UBA2: variants seen among roughly 807,000 people sequenced by gnomAD.
The protein encoded by UBA2 is ubiquitin like modifier activating enzyme 2.
UBA2 carries 11 observed loss-of-function variants against 77.2 expected under a neutral mutation model. The observed-to-expected ratio is 0.14, with a 90% CI of 0.09 to 0.24. The LOEUF (loss-of-function observed/expected upper bound fraction) is 0.24, where lower values mean the gene tolerates loss of function less well. UBA2 is among the 10% of genes least tolerant of loss of function. UBA2 has a pLI of 1.00. For synonymous variants in UBA2, 278 were observed against 276.7 expected, an observed-to-expected ratio of 1.00 and a Z score of -0.05; for missense variants, 487 against 781.7, an observed-to-expected ratio of 0.62 and a Z score of 4.50.
At chr19:34,458,732 A>G (rs746553086) in intron 12 of UBA2, 37 bp from the exon 13 acceptor site, 2 of 1,582,488 alleles carry the variant, frequency 1.3e-6, no homozygotes, top group Middle Eastern at 1.8e-4. Context: ...AAATTACAGC[A>G]CGTTTCCGAT....
intron 3 of UBA2, 67 bp downstream of exon 3, chr19:34,431,998 G>A: frequency 8.5e-7 from 1 of 1,182,170 alleles, no homozygotes; most frequent in Non-Finnish European, 1.2e-6. Flanking sequence ...TAAGCTCAAA[G>A]TCATTCAGCT....
intron 2 of UBA2, 40 bp from the exon 3 acceptor site, chr19:34,431,821 C>T (rs1304581270): frequency 6.4e-7 from 1 of 1,566,380 alleles, no homozygotes; most frequent in Non-Finnish European, 8.8e-7. Context: ...CAGATAGGAA[C>T]AGAAATATTG....
intron 12 of UBA2, among the ~76,000 whole-genome samples, chr19:34,456,093 TCCTTTTCTTTTTC>T (rs2075556388): frequency 9.6e-6 from 1 of 103,940 alleles, no homozygotes; most frequent in African/African-American, 3.8e-5. Context: ...GCTCTTTTTT[TCCTTTTCTTTTTC>T]TTTTTTTTTT....
At chr19:34,457,179 A>AAAAAAT (rs1262007864) in intron 12 of UBA2, among the ~76,000 whole-genome samples, 58 of 53,222 alleles carry the variant, frequency 1.1e-3, no homozygotes, top group African/African-American at 6.6e-3. Flanking sequence ...AAAAAAAAAA[A>AAAAAAT]ATATATATAT....
intron 9 of UBA2, 89 bp from the exon 10 acceptor site, chr19:34,451,892 A>G (rs2075502938): frequency 7.6e-6 from 5 of 656,862 alleles, no homozygotes; most frequent in East Asian, 6.4e-5. Context: ...TGATTTCTTA[A>G]TGGTCGGGGA....
intron 5 of UBA2, among the ~76,000 whole-genome samples, chr19:34,435,994 C>T (rs2075303799): frequency 6.6e-6 from 1 of 151,870 alleles, no homozygotes; most frequent in Non-Finnish European, 1.5e-5. Flanking sequence ...GTGGTGTGCA[C>T]CTGTAATCCC....
intron 8 of UBA2, among the ~76,000 whole-genome samples, chr19:34,448,011 GAGA>G (rs2075450195): frequency 1.3e-5 from 2 of 152,180 alleles, no homozygotes; most frequent in South Asian, 2.1e-4. Context: ...TGACTGGAGA[GAGA>G]AGTTGAGGTC....
chr19:34,456,170 AG>A (rs909525255), intron 12 of UBA2, among the ~76,000 whole-genome samples: 2 of 132,684 alleles, frequency 1.5e-5, no homozygotes, highest in Non-Finnish European at 3.1e-5. Flanking sequence ...AGTGGAGTAC[AG>A]TGATGTGATC....
intron 6 of UBA2, among the ~76,000 whole-genome samples, chr19:34,442,476 G>A (rs191118506): frequency 2.6e-4 from 40 of 152,062 alleles, no homozygotes; most frequent in Admixed American, 1.8e-3. Context: ...ATGGAGTTTC[G>A]CTCTTGTTGC....
chr19:34,451,511 T>C (rs1326501974), intron 9 of UBA2, among the ~76,000 whole-genome samples: 1 of 150,380 alleles, frequency 6.6e-6, no homozygotes, highest in Non-Finnish European at 1.5e-5. Context: ...GGTGGTCTTG[T>C]ACCTTTCCTA....
chr19:34,436,361 G>A (rs367810317), intron 5 of UBA2, among the ~76,000 whole-genome samples: 5 of 151,902 alleles, frequency 3.3e-5, no homozygotes, highest in African/African-American at 7.3e-5. Flanking sequence ...GTGCAGTGGC[G>A]CGATCTCAGC....
chr19:34,464,275 T>C, intron 15 of UBA2, 144 bp downstream of exon 15: 1 of 588,834 alleles, frequency 1.7e-6, no homozygotes, highest in Non-Finnish European at 3.0e-6. Flanking sequence ...GGTCACTGAG[T>C]TCCGTGATGT....
chr19:34,431,770 T>C lies in UBA2; in HGVS notation c.223-91T>C, dbSNP rs536823411. On this transcript the variant is annotated intron_variant, in intron 2 of 16. Coordinates refer to ENST00000246548, the MANE Select transcript of UBA2 (RefSeq NM_005499.3). ...GGTGTTTAATATAAATAAGGTACTA[T>C]GTAAGTAGATAACAGCATTGTGGCT... The C allele has an allele frequency of 5.2e-4, 566 of 1,098,140 alleles. 5 individuals are homozygous for C. Among genetic ancestry groups the C allele is most frequent in the South Asian group, 3.0e-3 (237 of 78,750 alleles). 68.0% of individuals were successfully genotyped at this position (1,098,140 alleles called of 1,614,324 possible).
intron 3 of UBA2, among the ~76,000 whole-genome samples, chr19:34,433,091 T>G (rs2075273010): frequency 6.6e-6 from 1 of 152,210 alleles, no homozygotes; most frequent in Non-Finnish European, 1.5e-5. Context: ...ACTAGTGAAG[T>G]CATGCCATCT....
chr19:34,441,105 A>G (rs1293492224), intron 6 of UBA2, among the ~76,000 whole-genome samples: 1 of 152,164 alleles, frequency 6.6e-6, no homozygotes, highest in Non-Finnish European at 1.5e-5. Context: ...CAGAGAAAGC[A>G]TTTGGTAAAA....
chr19:34,436,883 T>A (rs1183538526), intron 5 of UBA2, among the ~76,000 whole-genome samples: 1 of 152,206 alleles, frequency 6.6e-6, no homozygotes, highest in Non-Finnish European at 1.5e-5. Flanking sequence ...GTTGTGTATG[T>A]CAGTGCGTAT....
intron 12 of UBA2, among the ~76,000 whole-genome samples, chr19:34,457,179 A>ATATATATATATATAT (rs1555730726): frequency 2.1e-4 from 11 of 53,216 alleles, no homozygotes; most frequent in Non-Finnish European, 2.4e-4. Context: ...AAAAAAAAAA[A>ATATATATATATATAT]ATATATATAT....
At chr19:34,458,069 C>T (rs1380574456) in intron 12 of UBA2, among the ~76,000 whole-genome samples, 1 of 152,102 alleles carries the variant, frequency 6.6e-6, no homozygotes, top group African/African-American at 2.4e-5. Context: ...TTGGTCTTGT[C>T]AGGAGATTGC....
In UBA2 at chr19:34,456,100, C is replaced by CTTTTTTTTTTTTTTTTTTT. The variant is rs869118014; in HGVS notation, c.1245+1549_1245+1550insTTTTTTTTTTTTTTTTTTT. ...CCCGATGCGCTCTTTTTTTCCTTTT[C>CTTTTTTTTTTTTTTTTTTT]TTTTTCTTTTTTTTTTTTTTTTTTG... On this transcript the variant is annotated intron_variant, in intron 12 of 16. Transcript: ENST00000246548. Among the ~76,000 whole-genome samples the CTTTTTTTTTTTTTTTTTTT allele has an allele frequency of 5.9e-3, 327 of 55,778 alleles. 89 individuals are homozygous for CTTTTTTTTTTTTTTTTTTT. The highest frequency in any genetic ancestry group is 0.049 in the East Asian group (87 of 1,776). The allele number at this position is 55,778 out of a possible 152,430, so 36.6% of individuals were successfully genotyped here. A position where few individuals can be genotyped will look rare whatever the true frequency, so the allele number is the denominator to read the frequency against.
Sources: gnomAD v4.1 joint callset for allele counts (sites outside exome capture counted in the v4.1 genomes callset) on GRCh38, gnomAD v4.1.1 for gene constraint, MANE v1.5 for transcripts, NCBI Gene and HGNC (gene_info 2026-07-23, HGNC 2026-07-21) for gene names.